NF1: variants seen among roughly 807,000 people sequenced by gnomAD.
NF1 encodes the protein neurofibromin 1, also known as neurofibromin.
Under a neutral mutation model 325.7 loss-of-function variants are expected in NF1, and 122 were observed. That is an observed-to-expected ratio of 0.37 (90% CI 0.32 to 0.44). The LOEUF (loss-of-function observed/expected upper bound fraction) is 0.44, where lower values mean the gene tolerates loss of function less well. NF1 is among the 20% of genes least tolerant of loss of function. The pLI is 1.00. For synonymous variants in NF1, 1,091 were observed against 1,186.0 expected, an observed-to-expected ratio of 0.92 and a Z score of 1.65; for missense variants, 2,140 against 3,415.4, an observed-to-expected ratio of 0.63 and a Z score of 9.31.
chr17:31,304,508 T>C (rs758808827), intron 36 of NF1: 3 of 1,614,158 alleles, frequency 1.9e-6, no homozygotes, highest in South Asian at 1.1e-5. Flanking sequence ...GTAGAATCAT[T>C]TGGAAGAGGA....
At chr17:31,322,972 T>C (rs763790360) in intron 36 of NF1, among the ~76,000 whole-genome samples, 5 of 152,232 alleles carry the variant, frequency 3.3e-5, no homozygotes, top group African/African-American at 7.2e-5. Context: ...TTATATCTTG[T>C]ATACATCACT....
chr17:31,096,325 C>T (rs539248735), intron 1 of NF1, among the ~76,000 whole-genome samples: 1 of 151,904 alleles, frequency 6.6e-6, no homozygotes, highest in Non-Finnish European at 1.5e-5. Flanking sequence ...GTTTTTGACT[C>T]TCTCCTGGTT....
chr17:31,331,600 TAAAG>T (rs958008412), intron 39 of NF1: 5 of 152,222 alleles, frequency 3.3e-5, no homozygotes, highest in Middle Eastern at 3.4e-3. Context: ...AACAGATTGA[TAAAG>T]AAGCATCACA....
chr17:31,371,080 G>A (rs145462026), intron 57 of NF1, among the ~76,000 whole-genome samples: 57 of 152,212 alleles, frequency 3.7e-4, no homozygotes, highest in African/African-American at 1.3e-3. Flanking sequence ...ATCAGGGATT[G>A]CATGCTTTGG....
intron 1 of NF1, among the ~76,000 whole-genome samples, chr17:31,154,750 T>G (rs908675359): frequency 2.0e-5 from 3 of 148,190 alleles, no homozygotes; most frequent in Non-Finnish European, 4.5e-5. Flanking sequence ...TTTTTTTTTT[T>G]TTTTATTTGA....
Position 31,201,151 on chromosome 17 carries a change from C to T in NF1, c.1177C>T (p.His393Tyr), listed in dbSNP as rs199474768. The T allele has an allele frequency of 6.2e-7, 1 of 1,614,088 alleles. No individual in the cohort carries two copies. The highest frequency in any genetic ancestry group is 1.1e-5 in the South Asian group (1 of 91,082). ...CFRISPHNNQ[H>Y]FKICLAQNSP... Reference sequence around the variant, plus strand: ...TCGTATAAGCCCTCACAACAACCAACACTTTAAGGTGAGAGCATTGGTTTT... The same window carrying T: ...TCGTATAAGCCCTCACAACAACCAATACTTTAAGGTGAGAGCATTGGTTTT... Residue 393 changes from histidine to tyrosine, a missense_variant, in exon 10 of 58, where the codon CAC becomes TAC. Coordinates refer to ENST00000358273, the MANE Select transcript of NF1 (RefSeq NM_001042492.3).
At chr17:31,225,523 C>T (rs1342016793) in intron 17 of NF1, among the ~76,000 whole-genome samples, 1 of 152,124 alleles carries the variant, frequency 6.6e-6, no homozygotes, top group Non-Finnish European at 1.5e-5. Context: ...TTGACACTTA[C>T]AAGCTATATC....
chr17:31,101,164 T>G, intron 1 of NF1, among the ~76,000 whole-genome samples: 1 of 152,072 alleles, frequency 6.6e-6, no homozygotes. Flanking sequence ...TCTGCTTGAT[T>G]GCTGTTTTCT....
chr17:31,135,244 G>A (rs1269282897), intron 1 of NF1, among the ~76,000 whole-genome samples: 1 of 152,064 alleles, frequency 6.6e-6, no homozygotes, highest in African/African-American at 2.4e-5. Flanking sequence ...TGTGTTATTA[G>A]GTGCATAGAG....
At chr17:31,322,911 T>C (rs1161948412) in intron 36 of NF1, among the ~76,000 whole-genome samples, 2 of 152,210 alleles carry the variant, frequency 1.3e-5, no homozygotes, top group African/African-American at 4.8e-5. Flanking sequence ...TAGATCCTTA[T>C]CAGGTCATAC....
At chr17:31,203,243 A>T (rs1176996076) in intron 11 of NF1, among the ~76,000 whole-genome samples, 5 of 152,108 alleles carry the variant, frequency 3.3e-5, no homozygotes, top group Admixed American at 2.0e-4. Flanking sequence ...TACTCTAATG[A>T]GCACTGCATG....
intron 1 of NF1, among the ~76,000 whole-genome samples, chr17:31,106,217 C>T (rs1029930690): frequency 6.6e-6 from 1 of 152,146 alleles, no homozygotes; most frequent in Non-Finnish European, 1.5e-5. Context: ...CTCTGAACAT[C>T]AGTTTTCTAT....
intron 36 of NF1, among the ~76,000 whole-genome samples, chr17:31,310,053 A>C (rs2068827077): frequency 6.6e-6 from 1 of 152,166 alleles, no homozygotes; most frequent in Admixed American, 6.5e-5. Flanking sequence ...TAGTGGAAAA[A>C]ACTGACTTTT....
intron 47 of NF1, 41 bp downstream of exon 47, chr17:31,340,686 T>G (rs1302216343): frequency 6.3e-7 from 1 of 1,594,138 alleles, no homozygotes; most frequent in Non-Finnish European, 8.6e-7. Context: ...TTACTCAAAT[T>G]TAGTACTCTT....
chr17:31,133,910 G>T (rs1275312963), intron 1 of NF1, among the ~76,000 whole-genome samples: 1 of 152,178 alleles, frequency 6.6e-6, no homozygotes, highest in Non-Finnish European at 1.5e-5. Flanking sequence ...GCCTGCCTCG[G>T]CCTCCCAAAA....
At chr17:31,221,764 T>C in intron 14 of NF1, 86 bp from the exon 15 acceptor site, 1 of 897,912 alleles carries the variant, frequency 1.1e-6, no homozygotes, top group Non-Finnish European at 1.8e-6. Context: ...TTCTTAGCAT[T>C]TATAAAATAA....
intron 8 of NF1, among the ~76,000 whole-genome samples, chr17:31,189,789 T>C (rs1349004229): frequency 6.7e-6 from 1 of 150,034 alleles, no homozygotes; most frequent in Non-Finnish European, 1.5e-5. Flanking sequence ...GAGACGGTGT[T>C]TCACTCTTGT....
chr17:31,263,331 C>G (rs1008271821), intron 35 of NF1, among the ~76,000 whole-genome samples: 5 of 151,990 alleles, frequency 3.3e-5, no homozygotes, highest in Middle Eastern at 3.4e-3. Flanking sequence ...TCCCAGCTAC[C>G]TGGGAGGCTG....
At chr17:31,115,975 T>C (rs143366204) in intron 1 of NF1, among the ~76,000 whole-genome samples, 17 of 152,302 alleles carry the variant, frequency 1.1e-4, no homozygotes, top group African/African-American at 4.1e-4. Flanking sequence ...AAGATCAAAA[T>C]AGGTAATAAT....
Sources: allele counts gnomAD v4.1 joint callset (sites outside exome capture counted in the v4.1 genomes callset), GRCh38; gene constraint gnomAD v4.1.1; transcripts MANE v1.5; gene names NCBI Gene and HGNC (gene_info 2026-07-23, HGNC 2026-07-21).